Variants in HPSE2 observed in about 807,000 individuals in gnomAD.
HPSE2 encodes the protein heparanase 2 (inactive).
Under a neutral mutation model 60.5 loss-of-function variants are expected in HPSE2, and 38 were observed. The ratio of observed to expected loss-of-function variants is 0.63; its 90% CI spans 0.48 to 0.82. The LOEUF (loss-of-function observed/expected upper bound fraction) is 0.82. HPSE2 is among the 40% of genes least tolerant of loss of function. HPSE2 has a pLI of 0.00. For missense variants in HPSE2, 713 were observed against 740.4 expected (o/e 0.96, Z 0.43); for synonymous variants, 295 against 293.2 (o/e 1.01, Z -0.06).
At chr10:99,137,772 T>C (rs1271951270) in intron 3 of HPSE2, among the ~76,000 whole-genome samples, 1 of 152,200 alleles carries the variant, frequency 6.6e-6, no homozygotes, top group Non-Finnish European at 1.5e-5. Flanking sequence ...ATGTAAGACC[T>C]GGGACCTTAA....
chr10:98,986,732 T>A (rs1956365873), intron 3 of HPSE2, among the ~76,000 whole-genome samples: 1 of 150,728 alleles, frequency 6.6e-6, no homozygotes. Flanking sequence ...TCAACAAAAT[T>A]GATAGACTGC....
At chr10:98,997,171 G>A (rs1462816442) in intron 3 of HPSE2, among the ~76,000 whole-genome samples, 1 of 144,500 alleles carries the variant, frequency 6.9e-6, no homozygotes, top group Non-Finnish European at 1.5e-5. Flanking sequence ...GCAGTGCAGT[G>A]GAGCGATCTC....
intron 3 of HPSE2, among the ~76,000 whole-genome samples, chr10:98,876,639 A>AT (rs1952885221): frequency 6.6e-6 from 1 of 151,914 alleles, no homozygotes; most frequent in South Asian, 2.1e-4. Context: ...CTGAGGGTGG[A>AT]TTTTTTTAGT....
At chr10:99,292,120 T>A in the HPSE2 span, among the ~76,000 whole-genome samples, 1 of 152,160 alleles carries the variant, frequency 6.6e-6, no homozygotes, top group Non-Finnish European at 1.5e-5. Flanking sequence ...TCCTGTTGGT[T>A]TGAAAATGTC....
At chr10:99,008,974 C>G (rs903025785) in intron 3 of HPSE2, among the ~76,000 whole-genome samples, 3 of 152,078 alleles carry the variant, frequency 2.0e-5, no homozygotes, top group Non-Finnish European at 4.4e-5. Flanking sequence ...TAACTTCAAC[C>G]TGAAAGTTCC....
intron 3 of HPSE2, among the ~76,000 whole-genome samples, chr10:98,852,085 G>A (rs1014467221): frequency 2.7e-5 from 4 of 147,046 alleles, no homozygotes; most frequent in Non-Finnish European, 6.0e-5. Flanking sequence ...CTCTTTACAG[G>A]AAGGTTTTGC....
intron 3 of HPSE2, among the ~76,000 whole-genome samples, chr10:98,776,115 C>T (rs1950333654): frequency 6.6e-6 from 1 of 152,042 alleles, no homozygotes; most frequent in South Asian, 2.1e-4. Flanking sequence ...AGAATCTGCA[C>T]ATTTCTTCCC....
intron 6 of HPSE2, among the ~76,000 whole-genome samples, chr10:98,676,875 CTGCT>C (rs1009160529): frequency 6.6e-6 from 1 of 151,804 alleles, no homozygotes; most frequent in Non-Finnish European, 1.5e-5. Context: ...CTTCTTTAAC[CTGCT>C]TTTAGAAAGT....
At chr10:98,490,229 G>A (rs912664865) in intron 9 of HPSE2, 33 bp from the exon 10 acceptor site, 7 of 1,610,144 alleles carry the variant, frequency 4.3e-6, no homozygotes, top group Middle Eastern at 1.7e-4. Context: ...GGGTCAGCGA[G>A]AGAACACATG....
At position 98,971,329 on chromosome 10, in the gene HPSE2, T is replaced by C. The variant is rs184154108; in HGVS notation, c.610+172909A>G. ...CATCATTTTTACTTGTGATCTCAAA[T>C]GCAGAGGATATAATTAATTCTACTC... is the stretch of plus-strand genomic sequence containing the variant. On this transcript the variant is annotated intron_variant, in intron 3 of 11. Coordinates refer to ENST00000370552, the MANE Select transcript of HPSE2 (RefSeq NM_021828.5). Among the ~76,000 whole-genome samples the C allele has an allele frequency of 3.7e-3, 558 of 152,326 alleles. 2 individuals are homozygous for C. The highest frequency in any genetic ancestry group is 6.4e-3 in the Non-Finnish European group (432 of 68,014).
intron 3 of HPSE2, among the ~76,000 whole-genome samples, chr10:98,923,705 C>T (rs1954357339): frequency 6.6e-6 from 1 of 151,986 alleles, no homozygotes; most frequent in South Asian, 2.1e-4. Flanking sequence ...AATTCTTCAG[C>T]ATGTCAACTA....
intron 9 of HPSE2, among the ~76,000 whole-genome samples, chr10:98,541,254 A>G (rs976971504): frequency 5.3e-5 from 8 of 152,234 alleles, no homozygotes; most frequent in African/African-American, 1.7e-4. Context: ...ACTGCATAAG[A>G]CAAATTTCAA....
At chr10:98,653,725 C>T (rs1336407546) in intron 6 of HPSE2, among the ~76,000 whole-genome samples, 1 of 151,658 alleles carries the variant, frequency 6.6e-6, no homozygotes, top group Non-Finnish European at 1.5e-5. Context: ...TTACTTTAAA[C>T]AGTTATCTTT....
At chr10:98,996,659 T>C (rs1402430441) in intron 3 of HPSE2, among the ~76,000 whole-genome samples, 3 of 152,182 alleles carry the variant, frequency 2.0e-5, no homozygotes, top group Non-Finnish European at 4.4e-5. Flanking sequence ...GTATATTCAT[T>C]TAATGGAACA....
chr10:99,090,650 G>A (rs1340204806), intron 3 of HPSE2, among the ~76,000 whole-genome samples: 2 of 151,980 alleles, frequency 1.3e-5, no homozygotes, highest in Non-Finnish European at 2.9e-5. Flanking sequence ...TCAAATATGT[G>A]AAAATACTAA....
chr10:99,038,011 C>A (rs1347995096), intron 3 of HPSE2, among the ~76,000 whole-genome samples: 3 of 152,038 alleles, frequency 2.0e-5, no homozygotes, highest in Non-Finnish European at 4.4e-5. Flanking sequence ...TCTATTCCAA[C>A]AGTTGAAATA....
At chr10:98,726,440 A>T (rs2134268576) in intron 4 of HPSE2, among the ~76,000 whole-genome samples, 1 of 139,804 alleles carries the variant, frequency 7.2e-6, no homozygotes, top group East Asian at 2.4e-4. Flanking sequence ...AACAATGAGA[A>T]CACATGGACA....
chr10:98,470,768 C>G (rs1405574444), intron 11 of HPSE2, among the ~76,000 whole-genome samples: 1 of 152,166 alleles, frequency 6.6e-6, no homozygotes, highest in Non-Finnish European at 1.5e-5. Flanking sequence ...AAATCCCTGC[C>G]TACAACGAGG....
chr10:99,027,348 C>G (rs1210583698), intron 3 of HPSE2, among the ~76,000 whole-genome samples: 1 of 149,316 alleles, frequency 6.7e-6, no homozygotes, highest in Non-Finnish European at 1.5e-5. Context: ...AACTATATAC[C>G]AATAAATTGG....
Sources: allele counts gnomAD v4.1 joint callset (sites outside exome capture counted in the v4.1 genomes callset), GRCh38; gene constraint gnomAD v4.1.1; transcripts MANE v1.5; gene names NCBI Gene and HGNC (gene_info 2026-07-23, HGNC 2026-07-21).